CYSTM1: variants seen among roughly 807,000 people sequenced by gnomAD.
The protein encoded by CYSTM1 is cysteine rich transmembrane module containing 1.
CYSTM1 carries 4 observed loss-of-function variants against 13.1 expected under a neutral mutation model. That is an observed-to-expected ratio of 0.31 (90% CI 0.15 to 0.70). CYSTM1 has a LOEUF of 0.70. Among genes scored for constraint, CYSTM1 ranks in the 30% least tolerant of loss-of-function variants. The probability of loss-of-function intolerance (pLI) is 0.72; values close to 1 mark genes in which losing one functional copy is unlikely to be tolerated. For missense variants in CYSTM1, 96 were observed against 121.6 expected, an observed-to-expected ratio of 0.79 and a Z score of 0.99; for synonymous variants, 36 against 42.7, an observed-to-expected ratio of 0.84 and a Z score of 0.62.
chr5:140,239,822 C>T lies in CYSTM1; in HGVS notation c.188-3483C>T, dbSNP rs551525964. Among the ~76,000 whole-genome samples, 2 of 152,210 alleles carry T rather than the reference C, an allele frequency of 1.3e-5. No individual in the cohort carries two copies. Among genetic ancestry groups the T allele is most frequent in the Non-Finnish European group, 2.9e-5 (2 of 68,036 alleles). On this transcript the variant is annotated intron_variant, in intron 2 of 2. Coordinates refer to ENST00000261811, the MANE Select transcript of CYSTM1 (RefSeq NM_032412.4). This position sits in a 1 kb window ranked among gnomAD's most constrained non-coding sequence, Gnocchi z 5.4. ...AAGGGCTGACTGCGGGCAAGAGAGG[C>T]AAGCCAGTGCAGGGTCCCCTGGACC... is the stretch of plus-strand genomic sequence containing the variant.
At position 140,219,455 on chromosome 5, in the gene CYSTM1, C is replaced by T. The variant is rs541356025; in HGVS notation, c.188-23850C>T. 9.2e-5 allele frequency among the ~76,000 whole-genome samples: 14 copies of T among 152,268 alleles called. No individual in the cohort carries two copies. In the South Asian group the frequency reaches 2.7e-3, roughly 29 times the overall value. ...AGTCCTTACAAGTGAGGGTTGCCCCCGAATCACCTTCTCACCACATTCATT... is the reference window on the plus strand; with the variant it reads ...AGTCCTTACAAGTGAGGGTTGCCCCTGAATCACCTTCTCACCACATTCATT... On this transcript the variant is annotated intron_variant, in intron 2 of 2. Transcript: ENST00000261811. The surrounding 1 kb of genome is among the most constrained non-coding windows in gnomAD (Gnocchi z 4.1).
Position 140,194,532 on chromosome 5 carries a change from C to T in CYSTM1, c.67C>T (p.Pro23Ser). 6.2e-7 allele frequency: 1 copy of T among 1,613,648 alleles called. No homozygotes were observed. Among genetic ancestry groups the T allele is most frequent in the South Asian group, 1.1e-5 (1 of 91,020 alleles). The change falls in exon 2 of 3, where the codon CCA becomes TCA. Residue 23 changes from proline (P) to serine (S), a missense_variant. By Grantham distance (74) the Pro-to-Ser change is moderately conservative. Coordinates refer to ENST00000261811, the MANE Select transcript of CYSTM1 (RefSeq NM_032412.4). Reference sequence around the variant, plus strand: ...AACGGCCCCATACCCACCTTATCCACCACAACCAATGGGTCCAGGACCTAT... The same window carrying T: ...AACGGCCCCATACCCACCTTATCCATCACAACCAATGGGTCCAGGACCTAT... ...GPTAPYPPYP[P>S]QPMGPGPMGG...
At chr5:140,226,823 G>C (rs545667634) in intron 2 of CYSTM1, among the ~76,000 whole-genome samples, 4 of 151,020 alleles carry the variant, frequency 2.6e-5, no homozygotes, top group South Asian at 2.1e-4. Flanking sequence ...GATGAGCCCA[G>C]TGACAGTACT....
rs575257413 is a variant in CYSTM1, at chr5:140,177,275, GCTGT to G, written c.-21+1993_-21+1996del. ...TTGGTGCTAGGACCAAAAATACACAGCTGTCTATTTTATTTTATTTATTTGTTTA... is the reference window on the plus strand; with the variant it reads ...TTGGTGCTAGGACCAAAAATACACAGCTATTTTATTTTATTTATTTGTTTA... On this transcript the variant is annotated intron_variant, in intron 1 of 2. Coordinates refer to ENST00000261811, the MANE Select transcript of CYSTM1 (RefSeq NM_032412.4). 8.9e-4 allele frequency among the ~76,000 whole-genome samples: 135 copies of G among 152,130 alleles called. 1 individual carries two copies. In the Middle Eastern group the frequency reaches 0.014, roughly 15 times the overall value.
chr5:140,208,014 C>T (rs1393242895), intron 2 of CYSTM1, among the ~76,000 whole-genome samples: 2 of 152,142 alleles, frequency 1.3e-5, no homozygotes, highest in East Asian at 3.8e-4. Flanking sequence ...AGTACAACTA[C>T]TATAGGGAAC....
intron 2 of CYSTM1, among the ~76,000 whole-genome samples, chr5:140,207,788 T>G (rs1764315660): frequency 6.6e-6 from 1 of 152,194 alleles, no homozygotes; most frequent in South Asian, 2.1e-4. Context: ...TCTCTTGGCT[T>G]AGTATAGGTA....
At chr5:140,233,148 C>CT (rs1173530880) in intron 2 of CYSTM1, among the ~76,000 whole-genome samples, 2 of 152,196 alleles carry the variant, frequency 1.3e-5, no homozygotes, top group African/African-American at 4.8e-5. Context: ...CCACCCCCTA[C>CT]TTTTTATGAA....
intron 2 of CYSTM1, among the ~76,000 whole-genome samples, chr5:140,227,776 C>T (rs1372492428): frequency 2.0e-5 from 3 of 152,160 alleles, no homozygotes; most frequent in Non-Finnish European, 4.4e-5. Context: ...AGGCCCCACC[C>T]TTCTGCCATG....
chr5:140,234,244 C>G (rs1255613655), intron 2 of CYSTM1, among the ~76,000 whole-genome samples: 1 of 152,174 alleles, frequency 6.6e-6, no homozygotes, highest in East Asian at 1.9e-4. Flanking sequence ...GCTTATGTGT[C>G]AAACCAGTTA....
chr5:140,183,794 A>T (rs955348651), intron 1 of CYSTM1, among the ~76,000 whole-genome samples: 1 of 152,188 alleles, frequency 6.6e-6, no homozygotes, highest in African/African-American at 2.4e-5. Context: ...AGGACCATAC[A>T]TGATGAATGA....
chr5:140,243,534 A>G lies in CYSTM1; in HGVS notation c.*123A>G. On this transcript the variant is annotated 3_prime_UTR_variant, in exon 3 of 3. Coordinates refer to ENST00000261811, the MANE Select transcript of CYSTM1 (RefSeq NM_032412.4). ...GCTTTGCACAGACACCTCTACCTTC[A>G]GCACTATGGGATTCTAGATTAATGG... The G allele has an allele frequency of 1.5e-6, 1 of 681,428 alleles. No homozygotes were observed. Among genetic ancestry groups the G allele is most frequent in the Non-Finnish European group, 2.4e-6 (1 of 409,538 alleles). The allele number at this position is 681,428 out of a possible 1,614,324, so 42.2% of individuals were successfully genotyped here.
chr5:140,204,687 G>A (rs1042387597), intron 2 of CYSTM1, among the ~76,000 whole-genome samples: 3 of 152,158 alleles, frequency 2.0e-5, no homozygotes, highest in Admixed American at 6.5e-5. Context: ...ATCTTTGAGT[G>A]TGCCCTGCCT....
At chr5:140,240,002 G>T (rs939042607) in intron 2 of CYSTM1, among the ~76,000 whole-genome samples, 2 of 152,064 alleles carry the variant, frequency 1.3e-5, no homozygotes, top group Non-Finnish European at 2.9e-5. Context: ...CCCTGCCCGC[G>T]TCAGGAGCTG....
At chr5:140,197,676 A>G (rs1464023625) in intron 2 of CYSTM1, among the ~76,000 whole-genome samples, 1 of 152,184 alleles carries the variant, frequency 6.6e-6, no homozygotes, top group Non-Finnish European at 1.5e-5. Flanking sequence ...TCTGAGCTCT[A>G]TATGGAAATT....
chr5:140,230,239 C>G lies in CYSTM1; in HGVS notation c.188-13066C>G, dbSNP rs913165503. ...GTTTTCTTTTTCCATCTTGGTAGTT[C>G]CAGCTGCATGTATTAATTAGATCAT... On this transcript the variant is annotated intron_variant, in intron 2 of 2. Coordinates refer to ENST00000261811, the MANE Select transcript of CYSTM1 (RefSeq NM_032412.4). This position sits in a 1 kb window ranked among gnomAD's most constrained non-coding sequence, Gnocchi z 4.1. Among the ~76,000 whole-genome samples, 1 of 152,072 alleles carries G rather than the reference C, an allele frequency of 6.6e-6. No individual in the cohort carries two copies. Among genetic ancestry groups the G allele is most frequent in the African/African-American group, 2.4e-5 (1 of 41,414 alleles).
chr5:140,177,457 G>A (rs1228430835), intron 1 of CYSTM1, among the ~76,000 whole-genome samples: 1 of 152,076 alleles, frequency 6.6e-6, no homozygotes, highest in Non-Finnish European at 1.5e-5. Flanking sequence ...AAATTATTTT[G>A]TATTTCTTTG....
chr5:140,242,615 A>G (rs1581076583), intron 2 of CYSTM1, among the ~76,000 whole-genome samples: 1 of 152,148 alleles, frequency 6.6e-6, no homozygotes, highest in Non-Finnish European at 1.5e-5. Context: ...TTCTTGACCT[A>G]TGGATTTGTT....
intron 1 of CYSTM1, among the ~76,000 whole-genome samples, chr5:140,178,976 T>C (rs1763926168): frequency 6.6e-6 from 1 of 151,904 alleles, no homozygotes; most frequent in Non-Finnish European, 1.5e-5. Flanking sequence ...AATCAGCCTG[T>C]AATCAAGATC....
chr5:140,181,130 G>A (rs1478740927), intron 1 of CYSTM1, among the ~76,000 whole-genome samples: 1 of 152,206 alleles, frequency 6.6e-6, no homozygotes, highest in Admixed American at 6.5e-5. Context: ...AATGCTGCAC[G>A]CAGTACTTTA....
Sources: gnomAD v4.1 joint callset for allele counts (sites outside exome capture counted in the v4.1 genomes callset) on GRCh38, gnomAD v4.1.1 for gene constraint, Gnocchi (gnomAD v3.1) non-coding constraint, MANE v1.5 for transcripts, NCBI Gene and HGNC (gene_info 2026-07-23, HGNC 2026-07-21) for gene names.